The following WFDC10A variants were observed in gnomAD, a reference collection of about 807,000 sequenced individuals.
The protein encoded by WFDC10A is WAP four-disulfide core domain 10A.
WFDC10A carries 2 observed loss-of-function variants against 2.6 expected under a neutral mutation model. The ratio of observed to expected loss-of-function variants is 0.76; its 90% CI spans 0.31 to 2.40. The LOEUF is 2.40. WFDC10A is among the 30% of genes most tolerant of loss of function. The probability of loss-of-function intolerance (pLI) is 0.12; values close to 1 mark genes in which losing one functional copy is unlikely to be tolerated. For synonymous variants in WFDC10A, 36 were observed against 36.3 expected (o/e 0.99, Z 0.03); for missense variants, 84 against 91.8 (o/e 0.92, Z 0.35).
At chr20:45,630,034 G>A (rs1982319413) in intron 1 of WFDC10A, 130 bp downstream of exon 1, 2 of 1,299,416 alleles carry the variant, frequency 1.5e-6, no homozygotes, top group East Asian at 5.1e-5. Context: ...ATGTTGTGTA[G>A]ACTCTGGACT....
chr20:45,629,797 A>G lies in WFDC10A; in HGVS notation c.-17A>G. On this transcript the variant is annotated 5_prime_UTR_variant, in exon 1 of 2. Transcript: ENST00000372643. ...GACAACCTGGCCAGACATAGGGCTC[A>G]CGATCTGATCAGAGTCATGGCACCC... 6.2e-7 allele frequency: 1 copy of G among 1,612,128 alleles called. No individual in the cohort carries two copies. Among genetic ancestry groups the G allele is most frequent in the Non-Finnish European group, 8.5e-7 (1 of 1,179,096 alleles).
Position 45,629,876 on chromosome 20 carries a change from A to T in WFDC10A, c.63A>T (p.Gly21=), listed in dbSNP as rs756253159. The T allele has an allele frequency of 1.2e-6, 2 of 1,613,706 alleles. No homozygotes were observed. ...GTGTGCTGCTGCTGCAGGCCCAGGG[A>T]GGATACCGTGACAAGAAGAGGATGC... The part of the protein sequence containing the change: ...VLCVLLLQAQ[G]GYRDKKRMQK... The change falls in exon 1 of 2, where the codon GGA becomes GGT. Residue 21 remains glycine, a synonymous_variant. Coordinates refer to ENST00000372643, the MANE Select transcript of WFDC10A (RefSeq NM_080753.3).
chr20:45,629,851 G>A lies in WFDC10A; in HGVS notation c.38G>A (p.Cys13Tyr). The A allele has an allele frequency of 6.2e-7, 1 of 1,614,070 alleles. No individual in the cohort carries two copies. The highest frequency in any genetic ancestry group is 8.5e-7 in the Non-Finnish European group (1 of 1,180,000). ...PQTLLPVLVLCVLLLQAQGGY... is the reference protein window; with the variant it reads ...PQTLLPVLVLYVLLLQAQGGY... ...ACTCTGCTGCCTGTCCTGGTTCTCT[G>A]TGTGCTGCTGCTGCAGGCCCAGGGA... is the stretch of plus-strand genomic sequence containing the variant. Residue 13 changes from cysteine to tyrosine, a missense_variant, in exon 1 of 2, where the codon TGT (cysteine) becomes TAT (tyrosine). Physicochemically the swap from Cys to Tyr is radical, Grantham distance 194. Transcript: ENST00000372643.
chr20:45,630,629 A>C (rs1982340075), intron 1 of WFDC10A, among the ~76,000 whole-genome samples: 2 of 152,058 alleles, frequency 1.3e-5, no homozygotes, highest in Non-Finnish European at 2.9e-5. Context: ...TGGTGTGTGG[A>C]GAAGGTCCAG....
chr20:45,630,390 A>C (rs989006717), intron 1 of WFDC10A, among the ~76,000 whole-genome samples: 1 of 152,112 alleles, frequency 6.6e-6, no homozygotes, highest in East Asian at 1.9e-4. Flanking sequence ...GTGGTGGTGG[A>C]AAGGGAACTA....
At chr20:45,630,814 G>A in intron 1 of WFDC10A, 56 bp from the exon 2 acceptor site, 3 of 1,506,344 alleles carry the variant, frequency 2.0e-6, no homozygotes, top group Non-Finnish European at 2.7e-6. Flanking sequence ...GCTTCAGCTT[G>A]AGAAAAATGT....
chr20:45,631,154 A>C lies in WFDC10A; in HGVS notation c.*136A>C. ...GAATGCCGCCCTCTCTACTGTCTGAACCCCTTGTCCCTGTCAAATAAACCA... is the reference window on the plus strand; with the variant it reads ...GAATGCCGCCCTCTCTACTGTCTGACCCCCTTGTCCCTGTCAAATAAACCA... On this transcript the variant is annotated 3_prime_UTR_variant, in exon 2 of 2. Coordinates refer to ENST00000372643, the MANE Select transcript of WFDC10A (RefSeq NM_080753.3). 1 of 994,554 alleles carries C rather than the reference A, an allele frequency of 1.0e-6. No homozygotes were observed. Among genetic ancestry groups the C allele is most frequent in the Non-Finnish European group, 1.4e-6 (1 of 729,066 alleles). 61.6% of individuals were successfully genotyped at this position (994,554 alleles called of 1,614,324 possible).
In WFDC10A at chr20:45,630,903, A is replaced by G. The variant is rs939812993; in HGVS notation, c.125A>G (p.Gln42Arg). ...TQLSPEIKVC[Q>R]QQPKLYLCKH... is the part of the protein sequence containing the mutation. Reference sequence around the variant, plus strand: ...CTATCCCCAGAAATCAAAGTCTGCCAGCAGCAGCCTAAACTATATCTATGC... The same window carrying G: ...CTATCCCCAGAAATCAAAGTCTGCCGGCAGCAGCCTAAACTATATCTATGC... The change falls in exon 2 of 2, where the codon CAG (glutamine) becomes CGG (arginine). Residue 42 changes from glutamine to arginine, a missense_variant. Coordinates refer to ENST00000372643, the MANE Select transcript of WFDC10A (RefSeq NM_080753.3). 4.4e-6 allele frequency: 7 copies of G among 1,607,656 alleles called. No homozygotes were observed. Among genetic ancestry groups the G allele is most frequent in the Non-Finnish European group, 5.1e-6 (6 of 1,177,582 alleles).
intron 1 of WFDC10A, among the ~76,000 whole-genome samples, chr20:45,630,272 T>C (rs1000119134): frequency 2.6e-5 from 4 of 152,032 alleles, no homozygotes. Flanking sequence ...GTTATGACGG[T>C]AGGTGTAGGT....
rs1484232830 is a variant in WFDC10A at position 45,630,900 on chromosome 20, G to A, written c.122G>A (p.Cys41Tyr). The A allele has an allele frequency of 6.2e-7, 1 of 1,606,264 alleles. No individual in the cohort carries two copies. The highest frequency in any genetic ancestry group is 8.5e-7 in the Non-Finnish European group (1 of 1,176,974). The change falls in exon 2 of 2, where the codon TGC becomes TAC. Residue 41 changes from cysteine to tyrosine, a missense_variant. Coordinates refer to ENST00000372643, the MANE Select transcript of WFDC10A (RefSeq NM_080753.3). ...CAGCTATCCCCAGAAATCAAAGTCT[G>A]CCAGCAGCAGCCTAAACTATATCTA... is the stretch of plus-strand genomic sequence containing the variant. ...KTQLSPEIKVCQQQPKLYLCK... is the reference protein window; with the variant it reads ...KTQLSPEIKVYQQQPKLYLCK...
Position 45,630,851 on chromosome 20 carries a change from G to T in WFDC10A, c.92-19G>T, listed in dbSNP as rs1487323. The stretch of plus-strand genomic sequence containing the variant: ...CTCTAGGAAACTGCGTTTATTTACC[G>T]TTCTATTCTCCTTGTCAGAAACACA... On this transcript the variant is annotated intron_variant, in intron 1 of 1. Coordinates refer to ENST00000372643, the MANE Select transcript of WFDC10A (RefSeq NM_080753.3). The T allele has an allele frequency of 6.3e-7, 1 of 1,578,830 alleles. No homozygotes were observed. The highest frequency in any genetic ancestry group is 1.2e-5 in the South Asian group (1 of 85,244).
intron 1 of WFDC10A, among the ~76,000 whole-genome samples, chr20:45,630,197 T>C (rs1387197394): frequency 1.3e-5 from 2 of 151,840 alleles, no homozygotes; most frequent in Non-Finnish European, 2.9e-5. Flanking sequence ...GAGAATCCAG[T>C]GGGGAAAGCA....
chr20:45,631,140 T>C lies in WFDC10A; in HGVS notation c.*122T>C. The C allele has an allele frequency of 8.7e-7, 1 of 1,153,456 alleles. No homozygotes were observed. The highest frequency in any genetic ancestry group is 1.2e-6 in the Non-Finnish European group (1 of 854,684). The allele number at this position is 1,153,456 out of a possible 1,614,324, so 71.5% of individuals were successfully genotyped here. A position where few individuals can be genotyped will look rare whatever the true frequency, so the allele number is the denominator to read the frequency against. Reference sequence around the variant, plus strand: ...AAGAACATCAACAGGAATGCCGCCCTCTCTACTGTCTGAACCCCTTGTCCC... The same window carrying C: ...AAGAACATCAACAGGAATGCCGCCCCCTCTACTGTCTGAACCCCTTGTCCC... On this transcript the variant is annotated 3_prime_UTR_variant, in exon 2 of 2. Coordinates refer to ENST00000372643, the MANE Select transcript of WFDC10A (RefSeq NM_080753.3).
chr20:45,630,838 G>A (rs762385663), intron 1 of WFDC10A, 32 bp from the exon 2 acceptor site: 2 of 1,553,510 alleles, frequency 1.3e-6, no homozygotes, highest in Admixed American at 3.8e-5. Context: ...CTAGGAAACT[G>A]CGTTTATTTA....
In WFDC10A at chr20:45,630,043, CTG is replaced by C. The variant is rs142794492; in HGVS notation, c.91+141_91+142del. Reference sequence around the variant, plus strand: ...ACCACAATGTTGTGTAGACTCTGGACTGTCCCTAAACCATGGCCCTCCAGCCC... The same window carrying C: ...ACCACAATGTTGTGTAGACTCTGGACTCCCTAAACCATGGCCCTCCAGCCC... On this transcript the variant is annotated intron_variant, in intron 1 of 1. Transcript: ENST00000372643. The C allele has an allele frequency of 3.0e-3, 3,797 of 1,262,142 alleles. 90 individuals are homozygous for C. The African/African-American group carries it at 0.05, about 17-fold the overall frequency. The allele number at this position is 1,262,142 out of a possible 1,614,324, so 78.2% of individuals were successfully genotyped here.
chr20:45,630,095 T>C (rs1982321629), intron 1 of WFDC10A, among the ~76,000 whole-genome samples, 191 bp downstream of exon 1: 1 of 152,238 alleles, frequency 6.6e-6, no homozygotes, highest in African/African-American at 2.4e-5. Flanking sequence ...GGAATAGTAA[T>C]GGGAATGAAG....
Position 45,630,953 on chromosome 20 carries a change from G to A in WFDC10A, c.175G>A (p.Asp59Asn), listed in dbSNP as rs150807654. The A allele has an allele frequency of 6.2e-7, 1 of 1,612,346 alleles. No individual in the cohort carries two copies. Among genetic ancestry groups the A allele is most frequent in the African/African-American group, 1.3e-5 (1 of 74,766 alleles). ...CAAACACTTATGTGAATCTCACCGAGATTGTCAAGCAAATAACATATGCTG... is the reference window on the plus strand; with the variant it reads ...CAAACACTTATGTGAATCTCACCGAAATTGTCAAGCAAATAACATATGCTG... ...LCKHLCESHR[D>N]CQANNICCST... Residue 59 changes from aspartate (D) to asparagine (N), a missense_variant, in exon 2 of 2, where the codon GAT becomes AAT. Coordinates refer to ENST00000372643, the MANE Select transcript of WFDC10A (RefSeq NM_080753.3).
chr20:45,629,952 A>G (rs1327375054), intron 1 of WFDC10A, 48 bp downstream of exon 1: 12 of 1,587,340 alleles, frequency 7.6e-6, no homozygotes, highest in Non-Finnish European at 1.0e-5. Flanking sequence ...GGTAGGGGGA[A>G]TGGAGGGCCT....
In WFDC10A at chr20:45,630,991, T is replaced by A. The variant is rs760603577; in HGVS notation, c.213T>A (p.Cys71Ter). 6.2e-7 allele frequency: 1 copy of A among 1,603,340 alleles called. No individual in the cohort carries two copies. The highest frequency in any genetic ancestry group is 8.5e-7 in the Non-Finnish European group (1 of 1,175,592). Residue 71 changes from cysteine to a stop codon, truncating the protein, a stop_gained, in exon 2 of 2, where the codon TGT becomes TGA. Coordinates refer to ENST00000372643, the MANE Select transcript of WFDC10A (RefSeq NM_080753.3). LOFTEE classifies it high-confidence loss of function. ...QANNICCSTY[C>*]GNVCMSIL ...ATAACATATGCTGTTCTACCTACTG[T>A]GGGAATGTTTGCATGAGCATCCTGT...
Sources: gnomAD v4.1 joint callset for allele counts (sites outside exome capture counted in the v4.1 genomes callset) on GRCh38, gnomAD v4.1.1 for gene constraint, MANE v1.5 for transcripts, NCBI Gene and HGNC (gene_info 2026-07-23, HGNC 2026-07-21) for gene names.